Variants in MEGF11 observed in about 807,000 individuals in gnomAD.
MEGF11 encodes the protein multiple EGF like domains 11.
In MEGF11, 126 loss-of-function variants were observed where a neutral mutation model predicts 146.6. The observed-to-expected ratio is 0.86, with a 90% CI of 0.74 to 1.00. The LOEUF (loss-of-function observed/expected upper bound fraction) is 1.00, where lower values mean the gene tolerates loss of function less well. MEGF11 is among the 50% of genes least tolerant of loss of function. The probability of loss-of-function intolerance (pLI) is 0.00; values close to 1 mark genes in which losing one functional copy is unlikely to be tolerated. For synonymous variants in MEGF11, 532 were observed against 583.4 expected (o/e 0.91, Z 1.27); for missense variants, 1,509 against 1,521.2 (o/e 0.99, Z 0.13).
intron 5 of MEGF11, among the ~76,000 whole-genome samples, chr15:66,016,648 T>C (rs2082897962): frequency 6.6e-6 from 1 of 152,192 alleles, no homozygotes. Flanking sequence ...AATATCACCT[T>C]CAAAACGACA....
chr15:66,133,277 C>T (rs2088734342), intron 1 of MEGF11, among the ~76,000 whole-genome samples: 1 of 152,186 alleles, frequency 6.6e-6, no homozygotes, highest in Admixed American at 6.5e-5. Flanking sequence ...ACAAGGCAGG[C>T]ATTGAAGCAC....
chr15:66,015,752 C>T (rs189302466), intron 5 of MEGF11, among the ~76,000 whole-genome samples: 2 of 152,284 alleles, frequency 1.3e-5, no homozygotes, highest in South Asian at 2.1e-4. Flanking sequence ...CAATAGACAG[C>T]GTACACCTGC....
chr15:66,003,064 A>G (rs1336930501), intron 5 of MEGF11, among the ~76,000 whole-genome samples: 1 of 151,720 alleles, frequency 6.6e-6, no homozygotes, highest in Non-Finnish European at 1.5e-5. Context: ...TGCAGTCTCA[A>G]TTCACTGCAA....
At chr15:66,014,872 C>T (rs1395580348) in intron 5 of MEGF11, among the ~76,000 whole-genome samples, 3 of 152,120 alleles carry the variant, frequency 2.0e-5, no homozygotes, top group South Asian at 2.1e-4. Context: ...TAGAGATGTA[C>T]GCTTCACAGT....
chr15:66,007,244 G>A (rs1469260364), intron 5 of MEGF11, among the ~76,000 whole-genome samples: 1 of 152,240 alleles, frequency 6.6e-6, no homozygotes, highest in East Asian at 1.9e-4. Context: ...TGAGGCTTAT[G>A]CAATGTTTAG....
chr15:66,079,156 G>GCC (rs1380244392), intron 5 of MEGF11, among the ~76,000 whole-genome samples: 1 of 152,160 alleles, frequency 6.6e-6, no homozygotes, highest in East Asian at 1.9e-4. Context: ...GAGAGCAGTG[G>GCC]CCCCACACCG....
At chr15:66,206,949 G>A (rs1203236573) in intron 1 of MEGF11, among the ~76,000 whole-genome samples, 1 of 152,062 alleles carries the variant, frequency 6.6e-6, no homozygotes, top group Non-Finnish European at 1.5e-5. Context: ...CTCAGCAGCA[G>A]CTTTGAGCAG....
chr15:66,187,467 C>T (rs1176064836), intron 1 of MEGF11, among the ~76,000 whole-genome samples: 1 of 152,226 alleles, frequency 6.6e-6, no homozygotes, highest in African/African-American at 2.4e-5. Flanking sequence ...CTGTCGACAA[C>T]CCTGAGACTG....
intron 5 of MEGF11, among the ~76,000 whole-genome samples, chr15:66,018,840 G>A (rs1198419659): frequency 6.6e-6 from 1 of 152,242 alleles, no homozygotes; most frequent in Non-Finnish European, 1.5e-5. Flanking sequence ...CCTGGAGAGA[G>A]GCCAGAGGCC....
At position 65,938,846 on chromosome 15, in the gene MEGF11, T is replaced by C. The variant is rs867208185; in HGVS notation, c.1288-7903A>G. Among the ~76,000 whole-genome samples the C allele has an allele frequency of 8.6e-5, 13 of 152,040 alleles. 1 individual carries two copies. The highest frequency in any genetic ancestry group is 3.9e-4 in the Admixed American group (6 of 15,264). On this transcript the variant is annotated intron_variant, in intron 10 of 25. Transcript: ENST00000395614. ...GGCCCAGACCCCGGTGGGTAATGAG[T>C]TGTATGTTCTATTAAATTTGTTTCA...
At chr15:66,041,523 G>C (rs1801066673) in intron 5 of MEGF11, among the ~76,000 whole-genome samples, 2 of 152,240 alleles carry the variant, frequency 1.3e-5, no homozygotes, top group Non-Finnish European at 2.9e-5. Flanking sequence ...CCGATGTACT[G>C]TTCAAAGGTT....
At chr15:66,010,879 G>A (rs1052785635) in intron 5 of MEGF11, among the ~76,000 whole-genome samples, 5 of 151,150 alleles carry the variant, frequency 3.3e-5, no homozygotes, top group Non-Finnish European at 7.4e-5. Context: ...CCACTTTCAA[G>A]CATGGTCAGA....
At chr15:65,926,607 G>A in intron 13 of MEGF11, among the ~76,000 whole-genome samples, 1 of 152,200 alleles carries the variant, frequency 6.6e-6, no homozygotes, top group East Asian at 1.9e-4. Context: ...TGAGTGGGGA[G>A]GGCTCAGTGG....
chr15:66,230,532 T>G (rs563323053), intron 1 of MEGF11, among the ~76,000 whole-genome samples: 2 of 152,364 alleles, frequency 1.3e-5, no homozygotes, highest in South Asian at 4.1e-4. Context: ...TGTGCAGCAC[T>G]TTGAACTTTA....
At chr15:66,016,654 C>T (rs150165274) in intron 5 of MEGF11, among the ~76,000 whole-genome samples, 19 of 152,236 alleles carry the variant, frequency 1.2e-4, no homozygotes, top group African/African-American at 3.9e-4. Flanking sequence ...ACCTTCAAAA[C>T]GACAAGTTTA....
intron 1 of MEGF11, among the ~76,000 whole-genome samples, chr15:66,136,321 A>C (rs944360145): frequency 6.6e-6 from 1 of 152,218 alleles, no homozygotes; most frequent in Non-Finnish European, 1.5e-5. Flanking sequence ...CACCCTTTGA[A>C]GATGGGCCTC....
chr15:65,936,195 C>T (rs2079780525), intron 10 of MEGF11, among the ~76,000 whole-genome samples: 1 of 152,024 alleles, frequency 6.6e-6, no homozygotes, highest in Non-Finnish European at 1.5e-5. Context: ...GGGTGTCTTC[C>T]CTGACACTCC....
intron 5 of MEGF11, among the ~76,000 whole-genome samples, chr15:66,091,968 A>G (rs1032372902): frequency 6.6e-6 from 1 of 152,212 alleles, no homozygotes; most frequent in African/African-American, 2.4e-5. Context: ...TGCAGCCTCA[A>G]TGGCTATTAT....
chr15:66,075,869 T>A (rs2085554503), intron 5 of MEGF11, among the ~76,000 whole-genome samples: 1 of 152,030 alleles, frequency 6.6e-6, no homozygotes, highest in African/African-American at 2.4e-5. Flanking sequence ...AGGGCAAAAA[T>A]GATATTTGGC....
Sources: gnomAD v4.1 joint callset for allele counts (sites outside exome capture counted in the v4.1 genomes callset) on GRCh38, gnomAD v4.1.1 for gene constraint, MANE v1.5 for transcripts, NCBI Gene and HGNC (gene_info 2026-07-23, HGNC 2026-07-21) for gene names.